TUT7: variants seen among roughly 807,000 people sequenced by gnomAD.
The protein encoded by TUT7 is terminal uridylyl transferase 7.
TUT7 carries 33 observed loss-of-function variants against 165.9 expected under a neutral mutation model. The ratio of observed to expected loss-of-function variants is 0.20; its 90% CI spans 0.15 to 0.27. TUT7 has a LOEUF of 0.27. TUT7 is among the 10% of genes least tolerant of loss of function. The probability of loss-of-function intolerance (pLI) is 1.00; values close to 1 mark genes in which losing one functional copy is unlikely to be tolerated. For synonymous variants in TUT7, 552 were observed against 608.1 expected (o/e 0.91, Z 1.36); for missense variants, 1,338 against 1,762.3 (o/e 0.76, Z 4.31).
intron 15 of TUT7, 39 bp downstream of exon 15, chr9:86,319,545 T>C: frequency 7.2e-7 from 1 of 1,382,300 alleles, no homozygotes; most frequent in Non-Finnish European, 1.0e-6. Context: ...GAAAAAAGGT[T>C]ACACTACTTT....
Position 86,352,971 on chromosome 9 carries a change from A to G in TUT7, c.229T>C (p.Tyr77His), listed in dbSNP as rs757863738. Residue 77 changes from tyrosine to histidine, a missense_variant, in exon 2 of 27, where the codon TAT (tyrosine) becomes CAT (histidine). Around this residue, in one of 7 missense-constraint regions of TUT7, gnomAD observed 434 missense variants for 480.8 expected, o/e 0.90. Transcript: ENST00000375963. ...CTGTAGATTGGGTTTTTAAATGCATATGGATTGCTGGAAACAGCACATGGT... is the reference window on the plus strand; with the variant it reads ...CTGTAGATTGGGTTTTTAAATGCATGTGGATTGCTGGAAACAGCACATGGT... ...KGPCAVSSNP[Y>H]AFKNPIYSQP... 2 of 1,614,146 alleles carry G rather than the reference A, an allele frequency of 1.2e-6. No homozygotes were observed. Among genetic ancestry groups the G allele is most frequent in the South Asian group, 2.2e-5 (2 of 91,088 alleles).
At chr9:86,300,296 T>C (rs1293189110) in intron 26 of TUT7, among the ~76,000 whole-genome samples, 1 of 152,186 alleles carries the variant, frequency 6.6e-6, no homozygotes, top group Non-Finnish European at 1.5e-5. Flanking sequence ...TTGCTGAATA[T>C]GATAAAATAA....
chr9:86,289,385 T>C (rs1825744491), intron 26 of TUT7, among the ~76,000 whole-genome samples: 1 of 152,176 alleles, frequency 6.6e-6, no homozygotes, highest in African/African-American at 2.4e-5. Flanking sequence ...GAAGTTTGCA[T>C]TTCAAACCAA....
chr9:86,326,298 G>A lies in TUT7; in HGVS notation c.1609-784C>T, dbSNP rs1454838920. The stretch of plus-strand genomic sequence containing the variant: ...ACTCTGCCATGTACTAGCTGTGTAT[G>A]ATCTGGGTCAAGGTCTATAATCTGT... On this transcript the variant is annotated intron_variant, in intron 11 of 26. Coordinates refer to ENST00000375963, the MANE Select transcript of TUT7 (RefSeq NM_024617.4). The A allele has an allele frequency of 1.9e-5, 3 of 154,010 alleles. No homozygotes were observed. In the East Asian group the frequency reaches 5.8e-4, roughly 30 times the overall value. The allele number at this position is 154,010 out of a possible 1,614,324, so 9.5% of individuals were successfully genotyped here. A position where few individuals can be genotyped will look rare whatever the true frequency, so the allele number is the denominator to read the frequency against.
chr9:86,342,992 A>T, intron 6 of TUT7, 83 bp downstream of exon 6: 1 of 937,550 alleles, frequency 1.1e-6, no homozygotes, highest in African/African-American at 1.7e-5. Context: ...CAAATATCTA[A>T]AATATATTCA....
chr9:86,328,341 T>C lies in TUT7; in HGVS notation c.1607A>G (p.Gln536Arg), dbSNP rs530912952. Residue 536 changes from glutamine (Q) to arginine (R), a missense_variant and splice_region_variant, in exon 11 of 27, where the codon CAG (glutamine) becomes CGG (arginine). By Grantham distance (43) the Gln-to-Arg change is conservative (BLOSUM62 1). Coordinates refer to ENST00000375963, the MANE Select transcript of TUT7 (RefSeq NM_024617.4). ...AACTAGAAACAAAAGAGAACAGACC[T>C]GTCCCCTTTTAATCGGCGTTTCTCT... Reference protein sequence around the residue: ...APRETPIKRGQVSLILDVKHQ... With the variant: ...APRETPIKRGRVSLILDVKHQ... 1 of 1,600,794 alleles carries C rather than the reference T, an allele frequency of 6.2e-7. No individual in the cohort carries two copies. The highest frequency in any genetic ancestry group is 1.4e-5 in the African/African-American group (1 of 74,052).
intron 10 of TUT7, 60 bp from the exon 11 acceptor site, chr9:86,328,552 C>G: frequency 5.0e-6 from 7 of 1,393,728 alleles, no homozygotes; most frequent in Non-Finnish European, 6.7e-6. Context: ...CAAACACAGT[C>G]TACTAATCTT....
At chr9:86,353,772 G>C (rs1832506242) in intron 1 of TUT7, among the ~76,000 whole-genome samples, 1 of 152,194 alleles carries the variant, frequency 6.6e-6, no homozygotes, top group Non-Finnish European at 1.5e-5. Flanking sequence ...AGGTTACGGA[G>C]GGGCTGGGCT....
rs1034436649 is a variant in TUT7 at position 86,310,654 on chromosome 9, A to G, written c.3378+52T>C. On this transcript the variant is annotated intron_variant, in intron 18 of 26. Transcript: ENST00000375963. ...TTTAACTTGAGGTTTTTGCAAGGTG[A>G]GACATTTGTTCCCTTAACCTCTCTA... 15 of 951,416 alleles carry G rather than the reference A, an allele frequency of 1.6e-5. No homozygotes were observed. The Admixed American group carries it at 3.0e-4, about 19-fold the overall frequency. The allele number at this position is 951,416 out of a possible 1,614,324, so 58.9% of individuals were successfully genotyped here. A position where few individuals can be genotyped will look rare whatever the true frequency, so the allele number is the denominator to read the frequency against.
chr9:86,321,826 A>G (rs1384158534), intron 14 of TUT7, among the ~76,000 whole-genome samples: 1 of 152,262 alleles, frequency 6.6e-6, no homozygotes, highest in African/African-American at 2.4e-5. Flanking sequence ...GGCACTTGAT[A>G]TTAAAAGAAA....
chr9:86,343,971 T>G (rs1434739914), intron 5 of TUT7, among the ~76,000 whole-genome samples: 1 of 152,228 alleles, frequency 6.6e-6, no homozygotes, highest in Non-Finnish European at 1.5e-5. Flanking sequence ...AGTACATTCA[T>G]TTTTACATGA....
intron 17 of TUT7, among the ~76,000 whole-genome samples, chr9:86,314,894 A>G (rs114693603): frequency 0.011 from 1,601 of 152,266 alleles, 34 homozygotes; most frequent in African/African-American, 0.037. Flanking sequence ...ACATCTATGC[A>G]CTTAGAAATG....
intron 10 of TUT7, chr9:86,337,186 G>C: frequency 2.4e-6 from 1 of 417,222 alleles, no homozygotes; most frequent in South Asian, 3.1e-5. Flanking sequence ...CAAAAATTAA[G>C]AGATTTTGCA....
intron 26 of TUT7, among the ~76,000 whole-genome samples, chr9:86,290,686 CAAAAAAAA>C (rs749800073): frequency 7.3e-5 from 4 of 54,772 alleles, no homozygotes; most frequent in African/African-American, 1.9e-4. Context: ...TACTAAAATA[CAAAAAAAA>C]AAAAAAAAAA....
At chr9:86,343,250 A>G in intron 5 of TUT7, 87 bp from the exon 6 acceptor site, 1 of 811,556 alleles carries the variant, frequency 1.2e-6, no homozygotes, top group Non-Finnish European at 1.8e-6. Flanking sequence ...CAGAAGCAGA[A>G]CCATCAATTA....
At chr9:86,329,531 A>G (rs1830110960) in intron 10 of TUT7, among the ~76,000 whole-genome samples, 1 of 152,104 alleles carries the variant, frequency 6.6e-6, no homozygotes, top group Admixed American at 6.5e-5. Flanking sequence ...CTCAAAAAAA[A>G]AAAAACAAAA....
At chr9:86,340,213 G>T (rs1831214434) in intron 7 of TUT7, 108 bp from the exon 8 acceptor site, 9 of 863,546 alleles carry the variant, frequency 1.0e-5, no homozygotes, top group Non-Finnish European at 1.7e-5. Flanking sequence ...TGAGTCTTTT[G>T]AAAGACCACT....
chr9:86,351,495 GA>G (rs904143136), intron 2 of TUT7, among the ~76,000 whole-genome samples: 1 of 151,826 alleles, frequency 6.6e-6, no homozygotes, highest in Admixed American at 6.6e-5. Flanking sequence ...TGTGAAAAAA[GA>G]AAAAAAATCA....
rs1767711798 is a variant in TUT7 at position 86,299,967 on chromosome 9, AAAATT to A, written c.4420+1304_4420+1308del. ...TAATGTATTTAATGAAGCTGTTGTA[AAAATT>A]AAATGAAATTATCCATGTAAAGTAC... On this transcript the variant is annotated intron_variant, in intron 26 of 26. Coordinates refer to ENST00000375963, the MANE Select transcript of TUT7 (RefSeq NM_024617.4). Among the ~76,000 whole-genome samples, 3 of 152,362 alleles carry A rather than the reference AAAATT, an allele frequency of 2.0e-5. No homozygotes were observed. The South Asian group carries it at 6.2e-4, about 32-fold the overall frequency.
Sources: gnomAD v4.1 joint callset for allele counts (sites outside exome capture counted in the v4.1 genomes callset) on GRCh38, gnomAD v4.1.1 for gene constraint, gnomAD v4.1.1 regional missense constraint, MANE v1.5 for transcripts, NCBI Gene and HGNC (gene_info 2026-07-23, HGNC 2026-07-21) for gene names.